The following ZNF236 variants were observed in gnomAD, a reference collection of about 807,000 sequenced individuals.
ZNF236 encodes the protein regulated by glucose.
In ZNF236, 50 loss-of-function variants were observed where a neutral mutation model predicts 191.2. The ratio of observed to expected loss-of-function variants is 0.26; its 90% CI spans 0.21 to 0.33. ZNF236 has a LOEUF of 0.33. Among genes scored for constraint, ZNF236 ranks in the 10% least tolerant of loss-of-function variants. The probability of loss-of-function intolerance (pLI) is 1.00; values close to 1 mark genes in which losing one functional copy is unlikely to be tolerated. For synonymous variants in ZNF236, 907 were observed against 928.8 expected (o/e 0.98, Z 0.43); for missense variants, 1,754 against 2,374.5 (o/e 0.74, Z 5.43).
chr18:76,945,187 G>A (rs763530554), intron 26 of ZNF236, among the ~76,000 whole-genome samples: 1 of 152,114 alleles, frequency 6.6e-6, no homozygotes, highest in African/African-American at 2.4e-5. Context: ...ACCTATACAA[G>A]CTAAGACTCT....
intron 1 of ZNF236, among the ~76,000 whole-genome samples, chr18:76,823,114 G>C (rs1974911088): frequency 6.6e-6 from 1 of 151,092 alleles, no homozygotes; most frequent in Non-Finnish European, 1.5e-5. Flanking sequence ...GGCTCCTCCC[G>C]GACGGCGCCC....
chr18:76,872,793 G>T (rs1401466950), intron 5 of ZNF236, among the ~76,000 whole-genome samples: 1 of 152,094 alleles, frequency 6.6e-6, no homozygotes, highest in Non-Finnish European at 1.5e-5. Context: ...TCCATGCTTT[G>T]TCCTTTTGTT....
intron 1 of ZNF236, among the ~76,000 whole-genome samples, chr18:76,830,855 A>G (rs756583150): frequency 6.6e-6 from 1 of 152,128 alleles, no homozygotes; most frequent in Non-Finnish European, 1.5e-5. Context: ...TTTGTCAGCC[A>G]TTTGTTCTCT....
chr18:76,968,666 T>G lies in ZNF236; in HGVS notation c.*327T>G. The G allele has an allele frequency of 9.6e-7, 1 of 1,043,180 alleles. No individual in the cohort carries two copies. Among genetic ancestry groups the G allele is most frequent in the Non-Finnish European group, 1.2e-6 (1 of 867,910 alleles). 64.6% of individuals were successfully genotyped at this position (1,043,180 alleles called of 1,614,324 possible). A position where few individuals can be genotyped will look rare whatever the true frequency, so the allele number is the denominator to read the frequency against. On this transcript the variant is annotated 3_prime_UTR_variant, in exon 31 of 31. Coordinates refer to ENST00000320610, the MANE Select transcript of ZNF236 (RefSeq NM_001306089.2). ...CTTACTATCATTGTAGTGTGATTTC[T>G]TTGTATTAGCAAAGACAAAAACGCT...
At chr18:76,881,719 T>A (rs187863525) in intron 9 of ZNF236, among the ~76,000 whole-genome samples, 1 of 152,368 alleles carries the variant, frequency 6.6e-6, no homozygotes, top group Non-Finnish European at 1.5e-5. Flanking sequence ...ACCTGGCTTC[T>A]TTCCTGTATT....
Position 76,949,172 on chromosome 18 carries a change from T to G in ZNF236, c.4914+1520T>G, listed in dbSNP as rs1052512842. Among the ~76,000 whole-genome samples, 22 of 152,198 alleles carry G rather than the reference T, an allele frequency of 1.4e-4. 1 individual carries two copies. Among genetic ancestry groups the G allele is most frequent in the African/African-American group, 4.8e-4 (20 of 41,444 alleles). On this transcript the variant is annotated intron_variant, in intron 27 of 30. Transcript: ENST00000320610. Reference sequence around the variant, plus strand: ...CTTATTAGTCTGGTATGTTTCAGAGTTCCTAAATCAGTTCCAAGGCACACC... The same window carrying G: ...CTTATTAGTCTGGTATGTTTCAGAGGTCCTAAATCAGTTCCAAGGCACACC...
chr18:76,838,812 T>C (rs1040078152), intron 1 of ZNF236, among the ~76,000 whole-genome samples: 1 of 152,246 alleles, frequency 6.6e-6, no homozygotes, highest in Non-Finnish European at 1.5e-5. Context: ...AACTCACTTA[T>C]GTAGTCAGCA....
intron 1 of ZNF236, 23 bp downstream of exon 1, chr18:76,822,685 C>A: frequency 6.8e-6 from 1 of 146,778 alleles, no homozygotes; most frequent in South Asian, 1.8e-4. Flanking sequence ...GCCGCGCCCT[C>A]GCGCCCCGCC....
chr18:76,905,861 A>T (rs1977726491), intron 13 of ZNF236, among the ~76,000 whole-genome samples: 1 of 152,266 alleles, frequency 6.6e-6, no homozygotes, highest in Non-Finnish European at 1.5e-5. Flanking sequence ...GATATTCCAT[A>T]AACTTTTCAT....
At chr18:76,889,014 G>C (rs1490744993) in intron 9 of ZNF236, among the ~76,000 whole-genome samples, 1 of 152,192 alleles carries the variant, frequency 6.6e-6, no homozygotes. Flanking sequence ...ACTTTCTGCA[G>C]CATGTAAGGC....
At chr18:76,894,440 T>C (rs1302428560) in intron 9 of ZNF236, among the ~76,000 whole-genome samples, 2 of 152,200 alleles carry the variant, frequency 1.3e-5, no homozygotes, top group Non-Finnish European at 2.9e-5. Context: ...TTCCATCAAT[T>C]TGTGATTTTT....
intron 27 of ZNF236, among the ~76,000 whole-genome samples, chr18:76,953,609 T>C (rs1968459463): frequency 6.6e-6 from 1 of 152,220 alleles, no homozygotes; most frequent in Non-Finnish European, 1.5e-5. Context: ...GTTCTGAGCA[T>C]TTACACCTGG....
At chr18:76,892,825 C>G (rs1319958519) in intron 9 of ZNF236, among the ~76,000 whole-genome samples, 1 of 152,200 alleles carries the variant, frequency 6.6e-6, no homozygotes, top group Non-Finnish European at 1.5e-5. Context: ...CCTCGGCCTC[C>G]CAAAGTGCTG....
In ZNF236 at chr18:76,928,622, A is replaced by C. The variant is rs78438565; in HGVS notation, c.4594+516A>C. Among the ~76,000 whole-genome samples the C allele has an allele frequency of 5.1e-3, 774 of 152,234 alleles. 4 individuals carry two copies. Among genetic ancestry groups the C allele is most frequent in the African/African-American group, 0.018 (742 of 41,532 alleles). ...AAAGCCCACCTAAAACTGGCAATCTAATTCTCTCTGCCAGTCACCAGGCTG... is the reference window on the plus strand; with the variant it reads ...AAAGCCCACCTAAAACTGGCAATCTCATTCTCTCTGCCAGTCACCAGGCTG... On this transcript the variant is annotated intron_variant, in intron 25 of 30. Coordinates refer to ENST00000320610, the MANE Select transcript of ZNF236 (RefSeq NM_001306089.2).
intron 30 of ZNF236, among the ~76,000 whole-genome samples, chr18:76,963,715 T>C (rs1968712801): frequency 6.6e-6 from 1 of 152,160 alleles, no homozygotes; most frequent in African/African-American, 2.4e-5. Context: ...GACTTTGTTT[T>C]GTTGGTAATT....
rs34870901 is a variant in ZNF236, at chr18:76,892,168, GTTTTTTTT to G, written c.1418-2831_1418-2824del. Among the ~76,000 whole-genome samples, 9 of 52,776 alleles carry G rather than the reference GTTTTTTTT, an allele frequency of 1.7e-4. No individual in the cohort carries two copies. The East Asian group carries it at 2.3e-3, about 13-fold the overall frequency. 34.6% of individuals were successfully genotyped at this position (52,776 alleles called of 152,430 possible). A position where few individuals can be genotyped will look rare whatever the true frequency, so the allele number is the denominator to read the frequency against. ...TTTTCTTTTTGAAATTTTCTTCTGG[GTTTTTTTT>G]TTTTTTTTTTTTTGTAAATAGGAAG... On this transcript the variant is annotated intron_variant, in intron 9 of 30. Transcript: ENST00000320610.
At chr18:76,953,307 G>A (rs569767547) in intron 27 of ZNF236, among the ~76,000 whole-genome samples, 1 of 152,306 alleles carries the variant, frequency 6.6e-6, no homozygotes, top group South Asian at 2.1e-4. Context: ...TTCACTCACT[G>A]CTTAAGGGGC....
In ZNF236 at chr18:76,875,194, A is replaced by G. The variant is rs905021132; in HGVS notation, c.668-298A>G. 2.0e-5 allele frequency among the ~76,000 whole-genome samples: 3 copies of G among 152,130 alleles called. No individual in the cohort carries two copies. The highest frequency in any genetic ancestry group is 7.2e-5 in the African/African-American group (3 of 41,436). On this transcript the variant is annotated intron_variant, in intron 5 of 30. Transcript: ENST00000320610. This position sits in a 1 kb window ranked among gnomAD's most constrained non-coding sequence, Gnocchi z 4.3. ...TGAGACGTGAGAGAAACCAAAGATA[A>G]GGATGACTCCAAGGTTTTTTGCCTG...
chr18:76,941,095 A>G (rs954211729), intron 26 of ZNF236, among the ~76,000 whole-genome samples: 1 of 152,226 alleles, frequency 6.6e-6, no homozygotes, highest in African/African-American at 2.4e-5. Context: ...TTCTTCCATG[A>G]AACCAGTCTT....
Sources: allele counts gnomAD v4.1 joint callset (sites outside exome capture counted in the v4.1 genomes callset), GRCh38; gene constraint gnomAD v4.1.1; non-coding constraint Gnocchi (gnomAD v3.1); transcripts MANE v1.5; gene names NCBI Gene and HGNC (gene_info 2026-07-23, HGNC 2026-07-21).